SYT2: variants seen among roughly 807,000 people sequenced by gnomAD.
SYT2 encodes synaptotagmin 2.
Under a neutral mutation model 39.9 loss-of-function variants are expected in SYT2, and 15 were observed. The observed-to-expected ratio is 0.38, with a 90% CI of 0.25 to 0.58. SYT2 has a LOEUF of 0.58. Ranked by LOEUF, SYT2 falls within the 20% of genes least tolerant of loss-of-function variation. The pLI, the probability that SYT2 is intolerant of heterozygous loss-of-function variation, is 0.70. For missense variants in SYT2, 389 were observed against 530.3 expected, an observed-to-expected ratio of 0.73 and a Z score of 2.62; for synonymous variants, 181 against 204.5, an observed-to-expected ratio of 0.89 and a Z score of 0.98.
At chr1:202,683,336 GCACAATGA>G (rs1428848836) in intron 1 of SYT2, among the ~76,000 whole-genome samples, 1 of 152,212 alleles carries the variant, frequency 6.6e-6, no homozygotes, top group Admixed American at 6.5e-5. Flanking sequence ...ATCAGTTGAA[GCACAATGA>G]CACAAGGAAA....
At chr1:202,666,297 C>T (rs1692481378) in intron 1 of SYT2, among the ~76,000 whole-genome samples, 1 of 152,160 alleles carries the variant, frequency 6.6e-6, no homozygotes, top group African/African-American at 2.4e-5. Flanking sequence ...GCTTGACTGG[C>T]TGTTTCATCA....
chr1:202,667,493 GT>G (rs1692502370), intron 1 of SYT2, among the ~76,000 whole-genome samples: 3 of 145,506 alleles, frequency 2.1e-5, no homozygotes, highest in African/African-American at 7.7e-5. Flanking sequence ...GTGTGTGTGT[GT>G]GTGTGTGTGT....
At chr1:202,699,943 C>A (rs1180262571) in intron 1 of SYT2, among the ~76,000 whole-genome samples, 1 of 152,094 alleles carries the variant, frequency 6.6e-6, no homozygotes, top group Non-Finnish European at 1.5e-5. Context: ...AAGAGCTGGA[C>A]TACAAAGTTT....
chr1:202,604,555 C>G lies in SYT2; in HGVS notation c.245G>C (p.Cys82Ser). 6.2e-7 allele frequency: 1 copy of G among 1,614,196 alleles called. No homozygotes were observed. The highest frequency in any genetic ancestry group is 8.5e-7 in the Non-Finnish European group (1 of 1,180,054). ...CTTGCAGCAGCATTTCTTGCAGATG[C>G]AGAAGCAGCAGGTGAGAAGCAGGAG... ...AGLLLLTCCF[C>S]ICKKCCCKKK... Residue 82 changes from cysteine (C) to serine (S), a missense_variant, in exon 3 of 9, where the codon TGC (cysteine) becomes TCC (serine). This residue lies in a region of SYT2 where 280 missense variants were observed against 335.6 expected (regional missense o/e 0.83). Transcript: ENST00000367268.
chr1:202,687,122 G>A (rs12032489), intron 1 of SYT2, among the ~76,000 whole-genome samples: 47,144 of 151,914 alleles, frequency 0.31, 7,438 homozygotes, highest in South Asian at 0.42. Context: ...GCTTAGCAAA[G>A]CACCTGCCCT....
chr1:202,680,940 C>G (rs1415553515), intron 1 of SYT2, among the ~76,000 whole-genome samples: 1 of 152,146 alleles, frequency 6.6e-6, no homozygotes, highest in African/African-American at 2.4e-5. Flanking sequence ...AGAGAAGAAC[C>G]CTTGACAAAA....
chr1:202,625,324 T>G (rs1464739695), intron 1 of SYT2, among the ~76,000 whole-genome samples: 65 of 61,942 alleles, frequency 1.0e-3, no homozygotes, highest in East Asian at 5.3e-3. Context: ...GTGTGTGTGG[T>G]GTGTGTGGCA....
At chr1:202,692,054 C>T (rs934672894) in intron 1 of SYT2, among the ~76,000 whole-genome samples, 1 of 152,110 alleles carries the variant, frequency 6.6e-6, no homozygotes, top group Non-Finnish European at 1.5e-5. Context: ...CTCCACACCA[C>T]TCTATCCAGC....
At chr1:202,653,267 A>G (rs998227556) in intron 1 of SYT2, among the ~76,000 whole-genome samples, 18 of 152,074 alleles carry the variant, frequency 1.2e-4, no homozygotes, top group Admixed American at 1.1e-3. Context: ...ATATCCCTGC[A>G]TAGATTCATA....
intron 1 of SYT2, among the ~76,000 whole-genome samples, chr1:202,618,010 C>A (rs1334176140): frequency 6.6e-6 from 1 of 152,156 alleles, no homozygotes; most frequent in East Asian, 1.9e-4. Context: ...TCAAGCAATT[C>A]TCCTGCCTCA....
chr1:202,602,789 A>G (rs754265368), intron 4 of SYT2, among the ~76,000 whole-genome samples: 10 of 152,180 alleles, frequency 6.6e-5, no homozygotes, highest in Non-Finnish European at 1.3e-4. Flanking sequence ...GGTTAATAGC[A>G]TAATCAACTT....
chr1:202,659,034 GTC>G (rs1036057363), intron 1 of SYT2, among the ~76,000 whole-genome samples: 5 of 152,078 alleles, frequency 3.3e-5, no homozygotes, highest in African/African-American at 9.7e-5. Context: ...GAAAATCTCT[GTC>G]TCTCTTTCTG....
At chr1:202,604,335 A>G in intron 3 of SYT2, 120 bp downstream of exon 3, 1 of 1,009,860 alleles carries the variant, frequency 9.9e-7, no homozygotes, top group South Asian at 1.5e-5. Flanking sequence ...GAGAGAGCCA[A>G]GTTTTAAGGA....
In SYT2 at chr1:202,602,004, A is replaced by G; in HGVS notation, c.687T>C (p.Phe229=). Reference sequence around the variant, plus strand: ...TGATGTCATGTTTGGAGAAGCGGTCAAAGTCATAGATGGCCATCACCAGAG... The same window carrying G: ...TGATGTCATGTTTGGAGAAGCGGTCGAAGTCATAGATGGCCATCACCAGAG... The part of the protein sequence containing the change: ...GKTLVMAIYD[F]DRFSKHDIIG... Residue 229 remains phenylalanine (F), a synonymous_variant, in exon 6 of 9, where the codon TTT becomes TTC. Transcript: ENST00000367268. The G allele has an allele frequency of 6.2e-7, 1 of 1,614,178 alleles. No individual in the cohort carries two copies. Among genetic ancestry groups the G allele is most frequent in the South Asian group, 1.1e-5 (1 of 91,084 alleles).
intron 1 of SYT2, among the ~76,000 whole-genome samples, chr1:202,673,740 C>A (rs1449774838): frequency 6.6e-6 from 1 of 152,254 alleles, no homozygotes; most frequent in Non-Finnish European, 1.5e-5. Context: ...CCATGGCTGT[C>A]TCCAGCCACC....
intron 1 of SYT2, among the ~76,000 whole-genome samples, chr1:202,662,759 G>C (rs1467887427): frequency 6.6e-6 from 1 of 152,158 alleles, no homozygotes; most frequent in African/African-American, 2.4e-5. Context: ...AGTAGCCTTG[G>C]GCAAGTCAGG....
At chr1:202,675,042 G>C (rs1003599744) in intron 1 of SYT2, among the ~76,000 whole-genome samples, 1 of 152,162 alleles carries the variant, frequency 6.6e-6, no homozygotes, top group Admixed American at 6.5e-5. Flanking sequence ...GAGGGCCATG[G>C]CTTTCTTGTT....
rs570277864 is a variant in SYT2 at position 202,645,003 on chromosome 1, C to T, written c.-17-39214G>A. ...AAAAGCTGATTCAGGGATTTCCGGGCGGCTCCTCCTGTGGGGGAGTGTGCA... is the reference window on the plus strand; with the variant it reads ...AAAAGCTGATTCAGGGATTTCCGGGTGGCTCCTCCTGTGGGGGAGTGTGCA... On this transcript the variant is annotated intron_variant, in intron 1 of 8. Transcript: ENST00000367268. Among the ~76,000 whole-genome samples, 13 of 152,282 alleles carry T rather than the reference C, an allele frequency of 8.5e-5. No homozygotes were observed. The East Asian group carries it at 1.2e-3, about 14-fold the overall frequency.
At chr1:202,677,087 G>C (rs1343713611) in intron 1 of SYT2, among the ~76,000 whole-genome samples, 1 of 152,152 alleles carries the variant, frequency 6.6e-6, no homozygotes, top group Non-Finnish European at 1.5e-5. Flanking sequence ...GATTTCCTGA[G>C]GCCTCCCAGC....
Sources: allele counts gnomAD v4.1 joint callset (sites outside exome capture counted in the v4.1 genomes callset), GRCh38; gene constraint gnomAD v4.1.1; regional missense constraint gnomAD v4.1.1; transcripts MANE v1.5; gene names NCBI Gene and HGNC (gene_info 2026-07-23, HGNC 2026-07-21).